Variants in KMT2E observed in about 807,000 individuals in gnomAD.
KMT2E encodes the protein lysine methyltransferase 2E (inactive).
In KMT2E, 30 loss-of-function variants were observed where a neutral mutation model predicts 184.6. The observed-to-expected ratio is 0.16, with a 90% CI of 0.12 to 0.22. The LOEUF is 0.22. KMT2E is among the 10% of genes least tolerant of loss of function. KMT2E has a pLI of 1.00. For missense variants in KMT2E, 2,023 were observed against 2,237.4 expected, an observed-to-expected ratio of 0.90 and a Z score of 1.93; for synonymous variants, 815 against 776.5, an observed-to-expected ratio of 1.05 and a Z score of -0.82.
At chr7:105,072,700 T>C (rs1358065946) in intron 6 of KMT2E, among the ~76,000 whole-genome samples, 1 of 151,806 alleles carries the variant, frequency 6.6e-6, no homozygotes, top group African/African-American at 2.4e-5. Flanking sequence ...CAGATCACCT[T>C]AGGCCAGGAG....
chr7:105,112,682 A>G lies in KMT2E; in HGVS notation c.4926A>G (p.Gln1642=), dbSNP rs1160613471. The change falls in exon 27 of 27, where the codon CAA becomes CAG. Residue 1642 remains glutamine, a synonymous_variant. Transcript: ENST00000311117. ...CTGCTCCAGGACCGCACCTTGTACA[A>G]CAGCCGAATTCCCATCAGCAACACT... The part of the protein sequence containing the change: ...PPPAPGPHLV[Q]QPNSHQQHSV... 1 of 1,613,754 alleles carries G rather than the reference A, an allele frequency of 6.2e-7. No homozygotes were observed. The highest frequency in any genetic ancestry group is 8.5e-7 in the Non-Finnish European group (1 of 1,179,904).
chr7:105,083,931 T>A (rs1318202288), intron 13 of KMT2E, among the ~76,000 whole-genome samples: 1 of 152,194 alleles, frequency 6.6e-6, no homozygotes, highest in Non-Finnish European at 1.5e-5. Flanking sequence ...TCTTTCATAT[T>A]CCTTTTGTTT....
At chr7:105,091,550 G>T in intron 15 of KMT2E, 1 of 568,356 alleles carries the variant, frequency 1.8e-6, no homozygotes, top group Non-Finnish European at 3.1e-6. Flanking sequence ...TGAACATTTT[G>T]GAAGTAATAA....
chr7:105,112,192 G>A lies in KMT2E; in HGVS notation c.4436G>A (p.Arg1479Lys). Residue 1479 changes from arginine (R) to lysine (K), a missense_variant, in exon 27 of 27, where the codon AGG (arginine) becomes AAG (lysine). By Grantham distance (26) the Arg-to-Lys change is conservative. This residue lies in a region of KMT2E where 1,108 missense variants were observed against 1,050.9 expected (regional missense o/e 1.05). Transcript: ENST00000311117. ...PPSQQLGSPY[R>K]PHHSQSPQVG... ...TCACAGCAGTTAGGATCTCCCTACA[G>A]GCCTCATCATTCACAGTCACCTCAA... is the stretch of plus-strand genomic sequence containing the variant. The A allele has an allele frequency of 1.2e-6, 2 of 1,614,084 alleles. No homozygotes were observed. The highest frequency in any genetic ancestry group is 1.7e-6 in the Non-Finnish European group (2 of 1,179,984).
In KMT2E at chr7:105,107,799, C is replaced by T; in HGVS notation, c.3342C>T (p.Gly1114=). Residue 1114 remains glycine, a synonymous_variant, in exon 22 of 27, where the codon GGC becomes GGT. Transcript: ENST00000311117. ...GCCTGATGCAGGATGATACTAGAGG[C>T]ATGTTTATGGAAACAACTGTGTTTT... is the stretch of plus-strand genomic sequence containing the variant. ...SKCLMQDDTR[G]MFMETTVFCT... 6.2e-7 allele frequency: 1 copy of T among 1,614,086 alleles called. No individual in the cohort carries two copies.
chr7:105,041,420 C>T (rs2129565394), intron 3 of KMT2E, among the ~76,000 whole-genome samples: 1 of 152,244 alleles, frequency 6.6e-6, no homozygotes, highest in South Asian at 2.1e-4. Context: ...CCCCCAGCAA[C>T]AGATGGAGTT....
At chr7:105,107,118 A>G (rs1161212931) in intron 20 of KMT2E, 48 bp from the exon 21 acceptor site, 1 of 966,556 alleles carries the variant, frequency 1.0e-6, no homozygotes, top group South Asian at 1.6e-5. Context: ...TTATGGATAT[A>G]CTTACGTATT....
chr7:105,066,026 C>G (rs902975999), intron 5 of KMT2E, among the ~76,000 whole-genome samples: 1 of 152,078 alleles, frequency 6.6e-6, no homozygotes, highest in African/African-American at 2.4e-5. Flanking sequence ...TTATTTTTCT[C>G]TGGCGTTAAT....
At chr7:105,087,311 A>AT (rs1156825249) in intron 13 of KMT2E, among the ~76,000 whole-genome samples, 1 of 137,586 alleles carries the variant, frequency 7.3e-6, no homozygotes, top group Non-Finnish European at 1.5e-5. Context: ...ATATAAATAT[A>AT]AATATAGCAT....
chr7:105,107,468 G>A lies in KMT2E; in HGVS notation c.3011G>A (p.Arg1004Lys). 1 of 1,614,082 alleles carries A rather than the reference G, an allele frequency of 6.2e-7. No individual in the cohort carries two copies. Among genetic ancestry groups the A allele is most frequent in the Non-Finnish European group, 8.5e-7 (1 of 1,179,988 alleles). Residue 1004 changes from arginine to lysine, a missense_variant, in exon 22 of 27, where the codon AGG becomes AAG. This residue lies in a region of KMT2E where 1,108 missense variants were observed against 1,050.9 expected (regional missense o/e 1.05). Transcript: ENST00000311117. ...AAGACTATTGGTTATACGAGCCCTA[G>A]GAGTAGGACTGAAGTCAACAGGCAG... ...EIKTIGYTSP[R>K]SRTEVNRQCP... is the part of the protein sequence containing the mutation.
intron 2 of KMT2E, among the ~76,000 whole-genome samples, chr7:105,039,564 G>T (rs796697869): frequency 6.6e-6 from 1 of 152,256 alleles, no homozygotes; most frequent in South Asian, 2.1e-4. Flanking sequence ...GTTAATTCCT[G>T]TTTCACAGAT....
intron 6 of KMT2E, among the ~76,000 whole-genome samples, chr7:105,067,630 T>C (rs762242570): frequency 5.9e-5 from 9 of 152,170 alleles, no homozygotes; most frequent in African/African-American, 9.7e-5. Context: ...TATGTATTTG[T>C]GTGTATATAT....
intron 1 of KMT2E, among the ~76,000 whole-genome samples, chr7:105,036,169 CTTTTGGTTTTTT>C (rs1481052440): frequency 0.016 from 2,267 of 141,494 alleles, 26 homozygotes; most frequent in Non-Finnish European, 0.021. Flanking sequence ...TGTTGTTGTT[CTTTTGGTTTTTT>C]TTTTTGTTTT....
chr7:105,054,450 G>A (rs1003395613), intron 3 of KMT2E, among the ~76,000 whole-genome samples: 2 of 66,746 alleles, frequency 3.0e-5, no homozygotes, highest in African/African-American at 1.5e-4. Context: ...AAGTTGCTCT[G>A]TCTGTCTGTC....
chr7:105,072,433 A>G (rs188654347), intron 6 of KMT2E, among the ~76,000 whole-genome samples: 14 of 152,368 alleles, frequency 9.2e-5, no homozygotes, highest in Admixed American at 4.6e-4. Context: ...TGATGCTAGA[A>G]TAAATATATT....
rs940586853 is a variant in KMT2E at position 105,112,125 on chromosome 7, C to T, written c.4369C>T (p.His1457Tyr). ...LENPPKSSTP[H>Y]TPVQHGYLSP... ...AAATCCTCCAAAGTCATCCACGCCT[C>T]ACACACCTGTACAGCATGGTTATCT... The change falls in exon 27 of 27, where the codon CAC becomes TAC. Residue 1457 changes from histidine (H) to tyrosine (Y), a missense_variant. His to Tyr is a moderately conservative substitution (Grantham distance 83). Around this residue, in one of 8 missense-constraint regions of KMT2E, gnomAD observed 1,108 missense variants for 1,050.9 expected, o/e 1.05. Coordinates refer to ENST00000311117, the MANE Select transcript of KMT2E (RefSeq NM_182931.3). The T allele has an allele frequency of 1.9e-6, 3 of 1,614,192 alleles. No homozygotes were observed. Among genetic ancestry groups the T allele is most frequent in the Non-Finnish European group, 2.5e-6 (3 of 1,180,040 alleles).
intron 3 of KMT2E, among the ~76,000 whole-genome samples, chr7:105,054,186 G>A (rs555384502): frequency 5.3e-5 from 8 of 151,460 alleles, no homozygotes; most frequent in South Asian, 4.2e-4. Flanking sequence ...AAAAGGCTGC[G>A]AAATTTTTTT....
At chr7:105,015,650 T>C (rs1794686102) in intron 1 of KMT2E, among the ~76,000 whole-genome samples, 1 of 152,172 alleles carries the variant, frequency 6.6e-6, no homozygotes, top group African/African-American at 2.4e-5. Flanking sequence ...TTTCCCTCTT[T>C]TGTCCTTTAC....
At position 105,091,554 on chromosome 7, in the gene KMT2E, GTAA is replaced by G. The variant is rs754820812; in HGVS notation, c.1722+246_1722+248del. ...TTTAAGAAATATGAACATTTTGGAAGTAATAATATTTTAATAATGCCACACTGA... is the reference window on the plus strand; with the variant it reads ...TTTAAGAAATATGAACATTTTGGAAGTAATATTTTAATAATGCCACACTGA... On this transcript the variant is annotated intron_variant, in intron 15 of 26. Coordinates refer to ENST00000311117, the MANE Select transcript of KMT2E (RefSeq NM_182931.3). 111 of 569,728 alleles carry G rather than the reference GTAA, an allele frequency of 1.9e-4. 1 individual carries two copies. The highest frequency in any genetic ancestry group is 9.1e-4 in the East Asian group (31 of 34,178). The allele number at this position is 569,728 out of a possible 1,614,324, so 35.3% of individuals were successfully genotyped here.
Sources: gnomAD v4.1 joint callset for allele counts (sites outside exome capture counted in the v4.1 genomes callset) on GRCh38, gnomAD v4.1.1 for gene constraint, gnomAD v4.1.1 regional missense constraint, MANE v1.5 for transcripts, NCBI Gene and HGNC (gene_info 2026-07-23, HGNC 2026-07-21) for gene names.